PSPC1: variants seen among roughly 807,000 people sequenced by gnomAD.
The protein encoded by PSPC1 is paraspeckle component 1.
In PSPC1, 14 loss-of-function variants were observed where a neutral mutation model predicts 51.6. The observed-to-expected ratio is 0.27, with a 90% CI of 0.18 to 0.42. The LOEUF (loss-of-function observed/expected upper bound fraction) is 0.42, where lower values mean the gene tolerates loss of function less well. PSPC1 is among the 10% of genes least tolerant of loss of function. The pLI, the probability that PSPC1 is intolerant of heterozygous loss-of-function variation, is 1.00. For synonymous variants in PSPC1, 193 were observed against 231.9 expected (o/e 0.83, Z 1.53); for missense variants, 406 against 701.1 (o/e 0.58, Z 4.75).
chr13:19,780,412 C>T (rs1416443416), intron 1 of PSPC1, among the ~76,000 whole-genome samples: 1 of 74,270 alleles, frequency 1.3e-5, no homozygotes, highest in East Asian at 4.7e-4. Flanking sequence ...GGATGGTTGC[C>T]GTGTCTGTGT....
chr13:19,698,892 T>C (rs143526343), downstream of PSPC1, among the ~76,000 whole-genome samples: 6 of 151,876 alleles, frequency 4.0e-5, no homozygotes, highest in Non-Finnish European at 7.4e-5. Context: ...ACTTCTGTTA[T>C]TCAAAAGGAA....
intron 6 of PSPC1, among the ~76,000 whole-genome samples, chr13:19,687,333 G>C (rs540000586): frequency 6.6e-6 from 1 of 152,156 alleles, no homozygotes; most frequent in African/African-American, 2.4e-5. Flanking sequence ...ACGTATTCCA[G>C]TACAAGACTC....
At chr13:19,733,692 G>A (rs1164886837) in intron 5 of PSPC1, among the ~76,000 whole-genome samples, 1 of 151,956 alleles carries the variant, frequency 6.6e-6, no homozygotes, top group African/African-American at 2.4e-5. Flanking sequence ...GAACCTGGGA[G>A]GCGGAGGTTG....
chr13:19,671,779 TAAGA>T (rs1281365682), downstream of PSPC1: 2 of 1,565,766 alleles, frequency 1.3e-6, no homozygotes, highest in Admixed American at 1.8e-5. Flanking sequence ...TTTTTTCTTG[TAAGA>T]AAGGGGAAAT....
intron 1 of PSPC1, among the ~76,000 whole-genome samples, chr13:19,777,699 G>A (rs537638107): frequency 2.0e-5 from 3 of 152,092 alleles, no homozygotes; most frequent in Admixed American, 2.0e-4. Flanking sequence ...TGTAATCCCA[G>A]CACTTTGGGA....
At chr13:19,766,634 T>G (rs1029327457) in intron 2 of PSPC1, among the ~76,000 whole-genome samples, 2 of 151,780 alleles carry the variant, frequency 1.3e-5, no homozygotes, top group South Asian at 2.1e-4. Flanking sequence ...CATAGTGACC[T>G]ATGATCGCAT....
At chr13:19,752,653 T>A in intron 3 of PSPC1, among the ~76,000 whole-genome samples, 1 of 152,004 alleles carries the variant, frequency 6.6e-6, no homozygotes, top group East Asian at 1.9e-4. Context: ...TGGTATAATC[T>A]CAGCTCACTG....
chr13:19,729,252 G>A (rs1361515060), intron 6 of PSPC1, among the ~76,000 whole-genome samples: 1 of 152,052 alleles, frequency 6.6e-6, no homozygotes, highest in Admixed American at 6.6e-5. Context: ...TTTTAGAAAT[G>A]TCGGCTGGGC....
chr13:19,767,540 T>C (rs954909623), intron 2 of PSPC1, among the ~76,000 whole-genome samples: 1 of 152,008 alleles, frequency 6.6e-6, no homozygotes, highest in South Asian at 2.1e-4. Context: ...AAAAATAAAA[T>C]TGGATGATTA....
intron 6 of PSPC1, among the ~76,000 whole-genome samples, chr13:19,721,361 G>T (rs1001812431): frequency 6.6e-6 from 1 of 152,118 alleles, no homozygotes; most frequent in African/African-American, 2.4e-5. Flanking sequence ...CTATTTGCCG[G>T]TCTTGACTCT....
intron 6 of PSPC1, among the ~76,000 whole-genome samples, chr13:19,685,883 C>A (rs1323990811): frequency 6.6e-6 from 1 of 152,338 alleles, no homozygotes; most frequent in South Asian, 2.1e-4. Context: ...AGACAACCTC[C>A]CTTTACATGT....
chr13:19,672,802 T>A (rs188060613), downstream of PSPC1: 9 of 273,098 alleles, frequency 3.3e-5, no homozygotes, highest in Admixed American at 3.9e-4. Flanking sequence ...AAAGAGAGTA[T>A]TAAATGTGAA....
chr13:19,771,816 T>C (rs1888654265), intron 2 of PSPC1, among the ~76,000 whole-genome samples: 1 of 152,092 alleles, frequency 6.6e-6, no homozygotes, highest in African/African-American at 2.4e-5. Context: ...AGATGGGGTT[T>C]CATGCCATGT....
intron 8 of PSPC1, among the ~76,000 whole-genome samples, 177 bp from the exon 9 acceptor site, chr13:19,703,537 G>GTT (rs201933827): frequency 1.3e-5 from 2 of 151,238 alleles, no homozygotes; most frequent in Non-Finnish European, 3.0e-5. Context: ...TAGTTACTAT[G>GTT]TTTTTTTTAA....
At chr13:19,749,665 C>T (rs1186140388) in intron 4 of PSPC1, among the ~76,000 whole-genome samples, 3 of 138,184 alleles carry the variant, frequency 2.2e-5, no homozygotes, top group African/African-American at 5.3e-5. Flanking sequence ...AATGGAGTCT[C>T]GCTCTGTCTG....
intron 1 of PSPC1, among the ~76,000 whole-genome samples, chr13:19,781,288 A>C (rs919791033): frequency 6.6e-6 from 1 of 151,946 alleles, no homozygotes; most frequent in Non-Finnish European, 1.5e-5. Flanking sequence ...AGTAACTGGG[A>C]CTACAGGCGC....
At chr13:19,707,624 G>T (rs1044819377) in intron 7 of PSPC1, among the ~76,000 whole-genome samples, 2 of 152,130 alleles carry the variant, frequency 1.3e-5, no homozygotes, top group African/African-American at 2.4e-5. Flanking sequence ...GTGCTAAAAT[G>T]TAAGTAAGTC....
chr13:19,698,314 A>C (rs1879487597), downstream of PSPC1, among the ~76,000 whole-genome samples: 1 of 151,998 alleles, frequency 6.6e-6, no homozygotes, highest in Non-Finnish European at 1.5e-5. Flanking sequence ...AATAAAAATT[A>C]AGATAAAATT....
At chr13:19,740,647 A>G (rs1272080415) in intron 5 of PSPC1, among the ~76,000 whole-genome samples, 1 of 152,132 alleles carries the variant, frequency 6.6e-6, no homozygotes, top group Admixed American at 6.6e-5. Context: ...CCTAACTAGT[A>G]TGATTTTTGA....
Sources: gnomAD v4.1 joint callset for allele counts (sites outside exome capture counted in the v4.1 genomes callset) on GRCh38, gnomAD v4.1.1 for gene constraint, MANE v1.5 for transcripts, NCBI Gene and HGNC (gene_info 2026-07-23, HGNC 2026-07-21) for gene names.